Variants in RNLS observed in about 807,000 individuals in gnomAD.
The protein encoded by RNLS is renalase.
Under a neutral mutation model 39.8 loss-of-function variants are expected in RNLS, and 39 were observed. The observed-to-expected ratio is 0.98, with a 90% CI of 0.76 to 1.28. The LOEUF is 1.28. Ranked by LOEUF, RNLS falls within the 50% of genes most tolerant of loss-of-function variation. The pLI is 0.00. For synonymous variants in RNLS, 147 were observed against 150.7 expected (o/e 0.98, Z 0.18); for missense variants, 410 against 413.3 (o/e 0.99, Z 0.07).
At chr10:88,525,659 T>C (rs1195278562) in intron 4 of RNLS, among the ~76,000 whole-genome samples, 1 of 152,128 alleles carries the variant, frequency 6.6e-6, no homozygotes, top group African/African-American at 2.4e-5. Flanking sequence ...AAATTAGATA[T>C]TGTGATTTGT....
chr10:88,509,057 G>A (rs530194902), intron 4 of RNLS, among the ~76,000 whole-genome samples: 1 of 152,118 alleles, frequency 6.6e-6, no homozygotes, highest in South Asian at 2.1e-4. Context: ...TGCCTATGTA[G>A]GTCTCTTCCT....
chr10:88,456,842 T>C (rs1777285927), intron 4 of RNLS, among the ~76,000 whole-genome samples: 1 of 152,222 alleles, frequency 6.6e-6, no homozygotes, highest in South Asian at 2.1e-4. Flanking sequence ...CCTCCAGAAA[T>C]GGAGGCTTTG....
chr10:88,266,694 T>TACACACACAC, the RNLS span, among the ~76,000 whole-genome samples: 84 of 134,204 alleles, frequency 6.3e-4, no homozygotes, highest in Admixed American at 2.5e-3. Flanking sequence ...TTCTTTTAAA[T>TACACACACAC]ACACACACAC....
At position 88,583,270 on chromosome 10, in the gene RNLS, C is replaced by A. The variant is rs1315343475; in HGVS notation, c.-80G>T. 2 of 1,572,828 alleles carry A rather than the reference C, an allele frequency of 1.3e-6. No homozygotes were observed. The highest frequency in any genetic ancestry group is 1.2e-5 in the South Asian group (1 of 85,364). ...GGGCTTTCTGGAAAGGCGGCCGAACCGGCGCTAGCGCTCTTTGGTTCCGTG... is the reference window on the plus strand; with the variant it reads ...GGGCTTTCTGGAAAGGCGGCCGAACAGGCGCTAGCGCTCTTTGGTTCCGTG... On this transcript the variant is annotated 5_prime_UTR_variant, in exon 1 of 7. Transcript: ENST00000331772.
At chr10:88,479,837 G>GA (rs930529569) in intron 4 of RNLS, among the ~76,000 whole-genome samples, 2 of 143,524 alleles carry the variant, frequency 1.4e-5, no homozygotes, top group African/African-American at 5.2e-5. Flanking sequence ...AGGTATAGTA[G>GA]AAAAAAATCC....
At chr10:88,488,080 T>C (rs1401487187) in intron 4 of RNLS, among the ~76,000 whole-genome samples, 2 of 152,116 alleles carry the variant, frequency 1.3e-5, no homozygotes, top group African/African-American at 4.8e-5. Context: ...GGGCTGGAGA[T>C]GGGAGAAGGT....
intron 5 of RNLS, among the ~76,000 whole-genome samples, chr10:88,321,363 A>C (rs1846169521): frequency 6.6e-6 from 1 of 152,206 alleles, no homozygotes. Context: ...AAGATCTCAG[A>C]TTAACAACCC....
chr10:88,309,061 A>G (rs1229207385), intron 6 of RNLS, among the ~76,000 whole-genome samples: 1 of 152,164 alleles, frequency 6.6e-6, no homozygotes, highest in African/African-American at 2.4e-5. Flanking sequence ...TAAAAGTGGG[A>G]GCTAAATGAT....
At chr10:88,358,687 A>G (rs1849393344) in intron 5 of RNLS, among the ~76,000 whole-genome samples, 3 of 152,242 alleles carry the variant, frequency 2.0e-5, no homozygotes, top group Admixed American at 2.0e-4. Context: ...AAGTCGGTCT[A>G]GTACATCTTG....
At chr10:88,466,772 T>C (rs1843231900) in intron 4 of RNLS, among the ~76,000 whole-genome samples, 1 of 152,104 alleles carries the variant, frequency 6.6e-6, no homozygotes, top group Non-Finnish European at 1.5e-5. Context: ...TAAAAATATA[T>C]GAACAAACTA....
In RNLS at chr10:88,327,895, G is replaced by A. The variant is rs189887945; in HGVS notation, c.701-13254C>T. Among the ~76,000 whole-genome samples the A allele has an allele frequency of 5.4e-3, 825 of 152,060 alleles. 5 individuals carry two copies. Among genetic ancestry groups the A allele is most frequent in the South Asian group, 7.3e-3 (35 of 4,808 alleles). ...TAGGATTATAGGCGTGAGCCACTGC[G>A]CCCAGCCAATTTATTTATTTATTTT... is the stretch of plus-strand genomic sequence containing the variant. On this transcript the variant is annotated intron_variant, in intron 5 of 6. Transcript: ENST00000331772.
At chr10:88,566,052 C>G (rs1165795983) in intron 4 of RNLS, among the ~76,000 whole-genome samples, 4 of 151,642 alleles carry the variant, frequency 2.6e-5, no homozygotes, top group Admixed American at 6.6e-5. Context: ...CGGCCAATAT[C>G]ATTTTTTATA....
At chr10:88,431,969 A>G (rs986431404) in intron 4 of RNLS, among the ~76,000 whole-genome samples, 8 of 151,776 alleles carry the variant, frequency 5.3e-5, no homozygotes, top group African/African-American at 1.7e-4. Context: ...CTATAAATCA[A>G]TTGGGTCAAG....
At chr10:88,404,570 AT>A (rs1359637796) in intron 4 of RNLS, among the ~76,000 whole-genome samples, 1 of 152,090 alleles carries the variant, frequency 6.6e-6, no homozygotes, top group Admixed American at 6.6e-5. Flanking sequence ...AGGAGACATA[AT>A]TTTAAGTTAG....
At chr10:88,285,815 C>T (rs1458834617) in intron 6 of RNLS, among the ~76,000 whole-genome samples, 1 of 152,008 alleles carries the variant, frequency 6.6e-6, no homozygotes, top group Admixed American at 6.6e-5. Context: ...GGTTTATCCC[C>T]CTGAAATTCA....
At chr10:88,549,997 A>G (rs1789901165) in intron 4 of RNLS, among the ~76,000 whole-genome samples, 1 of 152,128 alleles carries the variant, frequency 6.6e-6, no homozygotes, top group South Asian at 2.1e-4. Flanking sequence ...GACAACACCC[A>G]CACTCACACA....
At chr10:88,467,124 T>C (rs1843259133) in intron 4 of RNLS, among the ~76,000 whole-genome samples, 1 of 152,206 alleles carries the variant, frequency 6.6e-6, no homozygotes, top group Middle Eastern at 3.4e-3. Flanking sequence ...ACCATATTTA[T>C]CTCAAACCTC....
chr10:88,497,430 A>G (rs771787165), intron 4 of RNLS, among the ~76,000 whole-genome samples: 3 of 152,042 alleles, frequency 2.0e-5, no homozygotes, highest in African/African-American at 7.2e-5. Flanking sequence ...ACATAAATAA[A>G]TAAATATAAA....
chr10:88,347,098 T>C (rs904252995), intron 5 of RNLS, among the ~76,000 whole-genome samples: 1 of 152,194 alleles, frequency 6.6e-6, no homozygotes, highest in African/African-American at 2.4e-5. Context: ...GTCTTTACTG[T>C]TTCCCAGGAC....
Sources: allele counts gnomAD v4.1 joint callset (sites outside exome capture counted in the v4.1 genomes callset), GRCh38; gene constraint gnomAD v4.1.1; transcripts MANE v1.5; gene names NCBI Gene and HGNC (gene_info 2026-07-23, HGNC 2026-07-21).